Variants in LRRC8D observed in about 807,000 individuals in gnomAD.
The protein encoded by LRRC8D is leucine rich repeat containing 8 VRAC subunit D, also known as volume-regulated anion channel subunit LRRC8D.
In LRRC8D, 20 loss-of-function variants were observed where a neutral mutation model predicts 55.8. The observed-to-expected ratio is 0.36, with a 90% confidence interval of 0.25 to 0.52. The LOEUF (loss-of-function observed/expected upper bound fraction) is 0.52, where lower values mean the gene tolerates loss of function less well. LRRC8D is among the 20% of genes least tolerant of loss of function. The pLI is 0.93. For synonymous variants in LRRC8D, 352 were observed against 377.0 expected, an observed-to-expected ratio of 0.93 and a Z score of 0.77; for missense variants, 651 against 1,030.8, an observed-to-expected ratio of 0.63 and a Z score of 5.05.
At chr1:89,879,304 G>A (rs1356416886) in intron 2 of LRRC8D, among the ~76,000 whole-genome samples, 1 of 152,118 alleles carries the variant, frequency 6.6e-6, no homozygotes, top group Admixed American at 6.6e-5. Flanking sequence ...ATTTCCTGGG[G>A]GTATAAACCT....
chr1:89,838,542 C>T (rs988185678), intron 1 of LRRC8D, among the ~76,000 whole-genome samples: 2 of 152,184 alleles, frequency 1.3e-5, no homozygotes, highest in Non-Finnish European at 2.9e-5. Flanking sequence ...AATCAACAGT[C>T]ATTAAATAAT....
chr1:89,892,705 A>G (rs1186716002), intron 2 of LRRC8D, among the ~76,000 whole-genome samples: 2 of 152,094 alleles, frequency 1.3e-5, no homozygotes, highest in Non-Finnish European at 2.9e-5. Flanking sequence ...ATTTTTTAGT[A>G]GAGACGGAGT....
Position 89,866,848 on chromosome 1 carries a change from G to A in LRRC8D, c.-3+23066G>A. 1.3e-5 allele frequency among the ~76,000 whole-genome samples: 2 copies of A among 152,116 alleles called. 1 individual carries two copies. The highest frequency in any genetic ancestry group is 2.9e-5 in the Non-Finnish European group (2 of 68,032). ...AGCAGGGCAGCAAGGAGAGTTAAGG[G>A]CGGCATGAGGATTTCAAGTGTATCA... On this transcript the variant is annotated intron_variant, in intron 2 of 2. Coordinates refer to ENST00000337338, the MANE Select transcript of LRRC8D (RefSeq NM_001134479.2).
intron 1 of LRRC8D, among the ~76,000 whole-genome samples, chr1:89,827,033 A>C (rs953733583): frequency 2.0e-5 from 3 of 152,108 alleles, no homozygotes; most frequent in Non-Finnish European, 4.4e-5. Flanking sequence ...AAAAACAAAA[A>C]CCATGAAATG....
At chr1:89,931,258 GAA>G (rs772353702) in intron 2 of LRRC8D, among the ~76,000 whole-genome samples, 5 of 70,484 alleles carry the variant, frequency 7.1e-5, no homozygotes, top group Admixed American at 1.5e-4. Flanking sequence ...AAGGGTTTCG[GAA>G]AAAAAAAAAA....
Position 89,932,862 on chromosome 1 carries a change from C to G in LRRC8D, c.-2-205C>G, listed in dbSNP as rs111966350. Among the ~76,000 whole-genome samples the G allele has an allele frequency of 9.0e-3, 1,373 of 152,310 alleles. 28 individuals are homozygous for G. Among genetic ancestry groups the G allele is most frequent in the African/African-American group, 0.031 (1,285 of 41,546 alleles). On this transcript the variant is annotated intron_variant, in intron 2 of 2. Coordinates refer to ENST00000337338, the MANE Select transcript of LRRC8D (RefSeq NM_001134479.2). ...ATAATTTCTTACCTAGAATGCAATT[C>G]TTACTCATTCTTTCCCTCTTCCCTT...
At chr1:89,932,937 A>T in intron 2 of LRRC8D, 130 bp from the exon 3 acceptor site, 1 of 711,926 alleles carries the variant, frequency 1.4e-6, no homozygotes, top group Non-Finnish European at 2.3e-6. Context: ...ATTTTCTACT[A>T]CATTTATATT....
At chr1:89,856,949 A>T (rs1468272314) in intron 2 of LRRC8D, among the ~76,000 whole-genome samples, 3 of 152,208 alleles carry the variant, frequency 2.0e-5, no homozygotes, top group Non-Finnish European at 4.4e-5. Flanking sequence ...AATGTCAATT[A>T]TACTTTCTTT....
intron 1 of LRRC8D, chr1:89,821,900 G>T (rs1047392673): frequency 6.6e-6 from 1 of 152,092 alleles, no homozygotes; most frequent in African/African-American, 2.4e-5. Context: ...TCCGCGGGCC[G>T]TCTCCGGGTT....
intron 2 of LRRC8D, among the ~76,000 whole-genome samples, chr1:89,874,030 A>G (rs1206092671): frequency 6.6e-6 from 1 of 152,224 alleles, no homozygotes; most frequent in East Asian, 1.9e-4. Context: ...CACAAATGGG[A>G]TAGTCTAAGT....
chr1:89,908,073 C>G (rs1462186035), intron 2 of LRRC8D, among the ~76,000 whole-genome samples: 1 of 152,198 alleles, frequency 6.6e-6, no homozygotes, highest in Non-Finnish European at 1.5e-5. Flanking sequence ...TTCCTCTACA[C>G]TAGCTCATTT....
chr1:89,882,737 A>G (rs1197410191), intron 2 of LRRC8D, among the ~76,000 whole-genome samples: 1 of 152,248 alleles, frequency 6.6e-6, no homozygotes, highest in Non-Finnish European at 1.5e-5. Flanking sequence ...GTATTGCAAG[A>G]CAGAAATTGA....
chr1:89,915,336 A>G (rs1423189289), intron 2 of LRRC8D, among the ~76,000 whole-genome samples: 2 of 152,220 alleles, frequency 1.3e-5, no homozygotes, highest in African/African-American at 4.8e-5. Context: ...CAATCCTACA[A>G]TTACAGTTGT....
chr1:89,883,516 G>A (rs1191214970), intron 2 of LRRC8D, among the ~76,000 whole-genome samples: 1 of 152,136 alleles, frequency 6.6e-6, no homozygotes, highest in East Asian at 1.9e-4. Flanking sequence ...CTCATTGGGG[G>A]CCTGGTCAGC....
chr1:89,859,257 T>C (rs1661637380), intron 2 of LRRC8D, among the ~76,000 whole-genome samples: 1 of 151,774 alleles, frequency 6.6e-6, no homozygotes, highest in Non-Finnish European at 1.5e-5. Context: ...GTAATTTGAC[T>C]CTTTTTTTTT....
intron 2 of LRRC8D, among the ~76,000 whole-genome samples, chr1:89,928,592 CA>C (rs766175772): frequency 2.6e-5 from 4 of 152,110 alleles, no homozygotes; most frequent in Non-Finnish European, 5.9e-5. Flanking sequence ...GTCTGTTATT[CA>C]GTGTTACCAT....
chr1:89,909,023 C>CGTGT (rs149782857), intron 2 of LRRC8D, among the ~76,000 whole-genome samples: 2 of 151,410 alleles, frequency 1.3e-5, no homozygotes, highest in Non-Finnish European at 2.9e-5. Flanking sequence ...GGTGTGTTTG[C>CGTGT]GTGTGTGTGT....
At position 89,933,172 on chromosome 1, in the gene LRRC8D, T is replaced by G; in HGVS notation, c.104T>G (p.Met35Arg). Residue 35 changes from methionine (M) to arginine (R), a missense_variant, in exon 3 of 3, where the codon ATG becomes AGG. Coordinates refer to ENST00000337338, the MANE Select transcript of LRRC8D (RefSeq NM_001134479.2). This position sits in a 1 kb window ranked among gnomAD's most constrained non-coding sequence, Gnocchi z 7.0. ...TTTATGGATTACCTAGCTGTTGTTA[T>G]GTTAATGGTAGCCATCTTTGCAGGA... ...DVFMDYLAVV[M>R]LMVAIFAGTM... 6.2e-7 allele frequency: 1 copy of G among 1,614,254 alleles called. No individual in the cohort carries two copies. The highest frequency in any genetic ancestry group is 8.5e-7 in the Non-Finnish European group (1 of 1,180,042).
At chr1:89,916,004 T>C (rs1158051617) in intron 2 of LRRC8D, among the ~76,000 whole-genome samples, 1 of 152,188 alleles carries the variant, frequency 6.6e-6, no homozygotes, top group Non-Finnish European at 1.5e-5. Flanking sequence ...AAAGATAGTA[T>C]GTTTGTTTAT....
Sources: allele counts gnomAD v4.1 joint callset (sites outside exome capture counted in the v4.1 genomes callset), GRCh38; gene constraint gnomAD v4.1.1; non-coding constraint Gnocchi (gnomAD v3.1); transcripts MANE v1.5; gene names NCBI Gene and HGNC (gene_info 2026-07-23, HGNC 2026-07-21).